The following FMN1 variants were observed in gnomAD, a reference collection of about 807,000 sequenced individuals.
The protein encoded by FMN1 is formin-1.
FMN1 carries 110 observed loss-of-function variants against 132.4 expected under a neutral mutation model. The observed-to-expected ratio is 0.83, with a 90% CI of 0.71 to 0.97. The LOEUF is 0.97. FMN1 is among the 50% of genes least tolerant of loss of function. The probability of loss-of-function intolerance (pLI) is 0.00; values close to 1 mark genes in which losing one functional copy is unlikely to be tolerated. For synonymous variants in FMN1, 722 were observed against 651.7 expected, an observed-to-expected ratio of 1.11 and a Z score of -1.64; for missense variants, 1,792 against 1,705.3, an observed-to-expected ratio of 1.05 and a Z score of -0.90.
chr15:32,886,199 A>C (rs1183508137), intron 16 of FMN1, among the ~76,000 whole-genome samples: 3 of 152,140 alleles, frequency 2.0e-5, no homozygotes, highest in Non-Finnish European at 4.4e-5. Context: ...ATGTGTTGAA[A>C]ACACTGGCAT....
At chr15:33,139,366 G>A (rs1963908197) in intron 4 of FMN1, among the ~76,000 whole-genome samples, 1 of 152,208 alleles carries the variant, frequency 6.6e-6, no homozygotes, top group Non-Finnish European at 1.5e-5. Context: ...GGAGGCCGAG[G>A]CGGGCGGATC....
At chr15:32,891,529 C>T (rs1253704439) in intron 15 of FMN1, among the ~76,000 whole-genome samples, 1 of 152,184 alleles carries the variant, frequency 6.6e-6, no homozygotes, top group Non-Finnish European at 1.5e-5. Context: ...CCACCGTGTC[C>T]AGCCTAGAGT....
At chr15:33,135,994 G>T (rs1360168169) in intron 4 of FMN1, among the ~76,000 whole-genome samples, 1 of 152,170 alleles carries the variant, frequency 6.6e-6, no homozygotes, top group African/African-American at 2.4e-5. Context: ...GAACAATGAT[G>T]AATATATGAT....
At chr15:32,815,912 ACTGGGT>A (rs1217353547) in intron 17 of FMN1, among the ~76,000 whole-genome samples, 1 of 152,176 alleles carries the variant, frequency 6.6e-6, no homozygotes, top group Non-Finnish European at 1.5e-5. Context: ...AACTATTGAC[ACTGGGT>A]CAGTTGTTTA....
At chr15:33,122,808 G>A (rs555590018) in intron 4 of FMN1, among the ~76,000 whole-genome samples, 1 of 152,172 alleles carries the variant, frequency 6.6e-6, no homozygotes, top group Non-Finnish European at 1.5e-5. Context: ...TAATCTGAAA[G>A]AAGAGGGAAC....
chr15:32,820,696 T>A (rs2058187393), intron 17 of FMN1, among the ~76,000 whole-genome samples: 1 of 152,208 alleles, frequency 6.6e-6, no homozygotes, highest in South Asian at 2.1e-4. Context: ...AGACTGTCAG[T>A]CCTCCACAAT....
intron 15 of FMN1, among the ~76,000 whole-genome samples, chr15:32,891,070 GTTTT>G (rs1346729631): frequency 6.6e-6 from 1 of 152,096 alleles, no homozygotes; most frequent in African/African-American, 2.4e-5. Flanking sequence ...TTATTTCTGG[GTTTT>G]CTGTTCTGTT....
At chr15:33,056,844 C>T (rs1048578172) in intron 6 of FMN1, among the ~76,000 whole-genome samples, 3 of 152,084 alleles carry the variant, frequency 2.0e-5, no homozygotes, top group African/African-American at 4.8e-5. Flanking sequence ...CAGAAAGAAG[C>T]CAGACACAAA....
intron 5 of FMN1, among the ~76,000 whole-genome samples, chr15:33,075,771 C>T (rs999827146): frequency 6.6e-6 from 1 of 152,150 alleles, no homozygotes; most frequent in Non-Finnish European, 1.5e-5. Context: ...GACATTTTCC[C>T]TTCTTTGGGG....
intron 17 of FMN1, among the ~76,000 whole-genome samples, chr15:32,822,273 C>A (rs2058238816): frequency 6.6e-6 from 1 of 152,148 alleles, no homozygotes; most frequent in Non-Finnish European, 1.5e-5. Flanking sequence ...CACGTGAACC[C>A]AGGAGGTGGA....
At chr15:32,913,899 T>G (rs2060621866) in intron 10 of FMN1, among the ~76,000 whole-genome samples, 1 of 152,122 alleles carries the variant, frequency 6.6e-6, no homozygotes, top group Non-Finnish European at 1.5e-5. Flanking sequence ...AAAAGCTTCT[T>G]GACAAAGAGA....
At chr15:32,812,289 A>C (rs79751969) in intron 17 of FMN1, among the ~76,000 whole-genome samples, 351 of 152,338 alleles carry the variant, frequency 2.3e-3, no homozygotes, top group African/African-American at 7.3e-3. Context: ...GTCCTGAGGC[A>C]ATCAAACTTA....
intron 16 of FMN1, among the ~76,000 whole-genome samples, chr15:32,884,834 T>C (rs1465320664): frequency 6.6e-6 from 1 of 152,188 alleles, no homozygotes; most frequent in African/African-American, 2.4e-5. Context: ...CTTTACAATG[T>C]AGAGAAGCAA....
intron 20 of FMN1, 109 bp from the exon 21 acceptor site, chr15:32,774,463 T>C (rs968926190): frequency 1.1e-5 from 9 of 840,344 alleles, no homozygotes; most frequent in South Asian, 9.4e-5. Context: ...TTGTGCCAAA[T>C]GGCCTAGAAA....
chr15:33,023,252 G>A (rs2035508842), intron 6 of FMN1, among the ~76,000 whole-genome samples: 1 of 126,884 alleles, frequency 7.9e-6, no homozygotes, highest in Admixed American at 8.7e-5. Context: ...AGGGGAAGGG[G>A]AGGGGGAAAC....
At chr15:33,126,070 G>C (rs1250133978) in intron 4 of FMN1, among the ~76,000 whole-genome samples, 2 of 152,090 alleles carry the variant, frequency 1.3e-5, no homozygotes, top group South Asian at 2.1e-4. Context: ...TGGATGAAAG[G>C]GCTTTGCAGG....
intron 3 of FMN1, among the ~76,000 whole-genome samples, chr15:33,167,993 C>G (rs1057460005): frequency 6.6e-6 from 1 of 152,100 alleles, no homozygotes; most frequent in Non-Finnish European, 1.5e-5. Flanking sequence ...AAAAAATTCA[C>G]GTAAAAATGG....
chr15:32,885,335 T>C (rs1596176596), intron 16 of FMN1, among the ~76,000 whole-genome samples: 1 of 152,202 alleles, frequency 6.6e-6, no homozygotes, highest in Non-Finnish European at 1.5e-5. Context: ...TCTAATTTTT[T>C]TCTTCATGAG....
intron 19 of FMN1, among the ~76,000 whole-genome samples, chr15:32,785,355 A>C (rs74011971): frequency 0.013 from 1,950 of 150,052 alleles, 38 homozygotes; most frequent in African/African-American, 0.042. Flanking sequence ...TCAAGCCCAG[A>C]CAAAGGCTAA....
Sources: gnomAD v4.1 joint callset for allele counts (sites outside exome capture counted in the v4.1 genomes callset) on GRCh38, gnomAD v4.1.1 for gene constraint, MANE v1.5 for transcripts, NCBI Gene and HGNC (gene_info 2026-07-23, HGNC 2026-07-21) for gene names.